STARD6: variants seen among roughly 807,000 people sequenced by gnomAD.
STARD6 encodes the protein stAR-related lipid transfer protein 6.
STARD6 carries 21 observed loss-of-function variants against 22.3 expected under a neutral mutation model. The observed-to-expected ratio is 0.94, with a 90% CI of 0.67 to 1.35. The LOEUF (loss-of-function observed/expected upper bound fraction) is 1.35. STARD6 is among the 40% of genes most tolerant of loss of function. STARD6 has a pLI of 0.00. For missense variants in STARD6, 269 were observed against 266.9 expected (o/e 1.01, Z -0.05); for synonymous variants, 80 against 88.1 (o/e 0.91, Z 0.52).
intron 4 of STARD6, among the ~76,000 whole-genome samples, chr18:54,345,026 T>C (rs995324242): frequency 2.6e-5 from 4 of 152,136 alleles, no homozygotes; most frequent in East Asian, 1.9e-4. Flanking sequence ...CTATTAAACA[T>C]TGTATTGGAG....
At chr18:54,335,277 C>G (rs561637917) in intron 5 of STARD6, among the ~76,000 whole-genome samples, 7 of 152,146 alleles carry the variant, frequency 4.6e-5, no homozygotes, top group Non-Finnish European at 1.0e-4. Context: ...TCACTGCAAC[C>G]TCCGCCTCCT....
chr18:54,332,832 G>A (rs1333767308), intron 5 of STARD6, among the ~76,000 whole-genome samples: 1 of 152,156 alleles, frequency 6.6e-6, no homozygotes. Context: ...TTGAGCCCAA[G>A]AGTTTGAGGC....
chr18:54,329,234 C>T, intron 7 of STARD6, 113 bp downstream of exon 7: 1 of 779,404 alleles, frequency 1.3e-6, no homozygotes, highest in Non-Finnish European at 1.9e-6. Context: ...AGTTTTTTTC[C>T]CGCAACAGAA....
At chr18:54,343,145 C>T (rs1419581548) in intron 4 of STARD6, among the ~76,000 whole-genome samples, 1 of 37,762 alleles carries the variant, frequency 2.6e-5, no homozygotes, top group Non-Finnish European at 5.6e-5. Flanking sequence ...CGCCTCTGCC[C>T]GGCCGAGACC....
At chr18:54,348,030 CTT>C (rs967818434) in intron 4 of STARD6, among the ~76,000 whole-genome samples, 1 of 152,058 alleles carries the variant, frequency 6.6e-6, no homozygotes, top group African/African-American at 2.4e-5. Context: ...TCCCTTTTCA[CTT>C]GTCTCTCAAT....
intron 4 of STARD6, among the ~76,000 whole-genome samples, chr18:54,339,193 T>C (rs1363139239): frequency 7.1e-6 from 1 of 140,072 alleles, no homozygotes; most frequent in Non-Finnish European, 1.5e-5. Context: ...AACACATCAA[T>C]ATACACATTT....
At chr18:54,333,175 T>G (rs1163139840) in intron 5 of STARD6, among the ~76,000 whole-genome samples, 1 of 152,026 alleles carries the variant, frequency 6.6e-6, no homozygotes, top group Non-Finnish European at 1.5e-5. Context: ...CTGGGCTGGG[T>G]GCGGTGGCTC....
At chr18:54,325,676 T>C (rs1409913264) in intron 7 of STARD6, among the ~76,000 whole-genome samples, 1 of 152,010 alleles carries the variant, frequency 6.6e-6, no homozygotes, top group Non-Finnish European at 1.5e-5. Context: ...GTCTTCTGAG[T>C]GGCTGCGATT....
At chr18:54,349,792 A>C (rs879656000) in intron 4 of STARD6, among the ~76,000 whole-genome samples, 8 of 152,176 alleles carry the variant, frequency 5.3e-5, no homozygotes, top group Non-Finnish European at 7.4e-5. Flanking sequence ...ACTTAGAATA[A>C]TGGTCTCCAA....
At chr18:54,348,915 G>T in intron 4 of STARD6, among the ~76,000 whole-genome samples, 1 of 152,036 alleles carries the variant, frequency 6.6e-6, no homozygotes. Flanking sequence ...TTGTACTGCA[G>T]TTATAAGATA....
chr18:54,344,054 C>G (rs1380710520), intron 4 of STARD6, among the ~76,000 whole-genome samples: 4 of 45,648 alleles, frequency 8.8e-5, no homozygotes, highest in African/African-American at 2.4e-4. Context: ...TGCCCGGCCA[C>G]CACCCCGTCT....
intron 4 of STARD6, among the ~76,000 whole-genome samples, chr18:54,351,233 C>T (rs983741648): frequency 2.0e-5 from 3 of 151,904 alleles, no homozygotes; most frequent in Non-Finnish European, 2.9e-5. Context: ...TCTTTTTTTG[C>T]AGTGGTTGAA....
intron 4 of STARD6, among the ~76,000 whole-genome samples, chr18:54,351,899 G>GTTTTTTT (rs60888927): frequency 1.4e-5 from 1 of 70,658 alleles, no homozygotes; most frequent in Non-Finnish European, 2.4e-5. Context: ...ATATTGGTCC[G>GTTTTTTT]TTTTTTTTTT....
At chr18:54,331,499 T>C (rs558829353) in intron 6 of STARD6, among the ~76,000 whole-genome samples, 1 of 152,272 alleles carries the variant, frequency 6.6e-6, no homozygotes, top group African/African-American at 2.4e-5. Flanking sequence ...CTATCTATAC[T>C]CAGTGCTACA....
At chr18:54,340,854 G>A (rs1230385546) in intron 4 of STARD6, among the ~76,000 whole-genome samples, 7 of 152,172 alleles carry the variant, frequency 4.6e-5, no homozygotes, top group Non-Finnish European at 1.0e-4. Flanking sequence ...ATCAAATAAA[G>A]TAGACTTTAA....
Position 54,331,823 on chromosome 18 carries a change from C to A in STARD6, c.304G>T (p.Ala102Ser), listed in dbSNP as rs191337280. The A allele has an allele frequency of 1.5e-5, 25 of 1,613,030 alleles. No individual in the cohort carries two copies. In the East Asian group the frequency reaches 5.6e-4, roughly 36 times the overall value. The change falls in exon 6 of 8, where the codon GCC (alanine) becomes TCC (serine). Residue 102 changes from alanine to serine, a missense_variant. Transcript: ENST00000307844. ...TCTCGAGGGGAAATGGAGCCCACGG[C>A]AAAACTTTGTGTAATGGTATGACAT... ...FICHTITQSF[A>S]VGSISPRDFI...
intron 6 of STARD6, 120 bp from the exon 7 acceptor site, chr18:54,329,560 A>G (rs2088850346): frequency 1.4e-6 from 1 of 724,566 alleles, no homozygotes; most frequent in African/African-American, 1.8e-5. Context: ...CATTAGTTTT[A>G]TATATGTGAA....
intron 1 of STARD6, chr18:54,357,217 A>G (rs1246004212): frequency 1.3e-5 from 2 of 152,212 alleles, no homozygotes; most frequent in African/African-American, 4.8e-5. Flanking sequence ...CCAGACTTAC[A>G]GACAGGTTCA....
chr18:54,341,167 C>T (rs2088965159), intron 4 of STARD6, among the ~76,000 whole-genome samples: 1 of 151,970 alleles, frequency 6.6e-6, no homozygotes, highest in African/African-American at 2.4e-5. Flanking sequence ...TCACGCCATT[C>T]TCCTGCCTCA....
Sources: gnomAD v4.1 joint callset for allele counts (sites outside exome capture counted in the v4.1 genomes callset) on GRCh38, gnomAD v4.1.1 for gene constraint, MANE v1.5 for transcripts, NCBI Gene and HGNC (gene_info 2026-07-23, HGNC 2026-07-21) for gene names.